Variants in PPM1L observed in about 807,000 individuals in gnomAD.
The protein encoded by PPM1L is protein phosphatase, Mg2+/Mn2+ dependent 1L.
Under a neutral mutation model 31.4 loss-of-function variants are expected in PPM1L, and 13 were observed. The observed-to-expected ratio is 0.41, with a 90% CI of 0.27 to 0.66. The LOEUF is 0.66. Ranked by LOEUF, PPM1L falls within the 30% of genes least tolerant of loss-of-function variation. The pLI is 0.29. For missense variants in PPM1L, 326 were observed against 453.7 expected (o/e 0.72, Z 2.56); for synonymous variants, 184 against 175.4 (o/e 1.05, Z -0.39).
At chr3:161,012,182 G>A (rs1043832613) in intron 2 of PPM1L, among the ~76,000 whole-genome samples, 27 of 152,184 alleles carry the variant, frequency 1.8e-4, no homozygotes, top group Non-Finnish European at 2.5e-4. Flanking sequence ...ATTATTTTGA[G>A]GTACGTCCCA....
intron 1 of PPM1L, among the ~76,000 whole-genome samples, chr3:160,926,658 T>A (rs1440810604): frequency 6.6e-6 from 1 of 152,094 alleles, no homozygotes; most frequent in Non-Finnish European, 1.5e-5. Context: ...TCTGATTAAG[T>A]AGGGGGATGT....
At chr3:161,023,706 G>T (rs914496815) in intron 2 of PPM1L, among the ~76,000 whole-genome samples, 22 of 152,160 alleles carry the variant, frequency 1.4e-4, no homozygotes, top group African/African-American at 4.8e-4. Context: ...TGGATTTAAA[G>T]TTTTTTTCTT....
intron 1 of PPM1L, among the ~76,000 whole-genome samples, chr3:160,841,853 G>A (rs763810233): frequency 6.6e-6 from 1 of 152,116 alleles, no homozygotes; most frequent in Non-Finnish European, 1.5e-5. Context: ...GAAATTTTTT[G>A]ATGACATATA....
chr3:160,877,393 C>A (rs1273659460), intron 1 of PPM1L, among the ~76,000 whole-genome samples: 1 of 152,166 alleles, frequency 6.6e-6, no homozygotes, highest in Non-Finnish European at 1.5e-5. Flanking sequence ...CTTCTTGCCT[C>A]AGTGTACACA....
intron 2 of PPM1L, among the ~76,000 whole-genome samples, chr3:161,025,821 A>G (rs1433902850): frequency 1.3e-5 from 2 of 152,204 alleles, no homozygotes; most frequent in East Asian, 3.9e-4. Flanking sequence ...AATTAAATAT[A>G]AACAAAAACT....
At chr3:160,939,863 C>T (rs144944928) in intron 1 of PPM1L, 548 of 157,358 alleles carry the variant, frequency 3.5e-3, no homozygotes, top group Non-Finnish European at 5.9e-3. Context: ...ACTTTGGAAC[C>T]GAGTAACAGG....
At chr3:160,796,352 A>G (rs1255530639) in intron 1 of PPM1L, among the ~76,000 whole-genome samples, 3 of 152,182 alleles carry the variant, frequency 2.0e-5, no homozygotes, top group African/African-American at 7.2e-5. Flanking sequence ...TCTCTGTGAC[A>G]GGTATTTCTG....
intron 1 of PPM1L, among the ~76,000 whole-genome samples, chr3:160,944,072 G>A: frequency 6.6e-6 from 1 of 151,868 alleles, no homozygotes; most frequent in Non-Finnish European, 1.5e-5. Context: ...GGACTATTTG[G>A]GTATAGGACA....
intron 1 of PPM1L, among the ~76,000 whole-genome samples, chr3:160,757,022 A>G (rs907932886): frequency 2.6e-5 from 4 of 152,066 alleles, no homozygotes; most frequent in Non-Finnish European, 5.9e-5. Context: ...ACACTGTGCT[A>G]GTTTAGCAAG....
At chr3:160,883,707 G>A (rs544924427) in intron 1 of PPM1L, among the ~76,000 whole-genome samples, 23 of 152,016 alleles carry the variant, frequency 1.5e-4, no homozygotes, top group African/African-American at 5.1e-4. Flanking sequence ...AGGGGAAAGA[G>A]ACTGGGTTTG....
chr3:160,760,939 C>G (rs1714953617), intron 1 of PPM1L, among the ~76,000 whole-genome samples: 1 of 152,106 alleles, frequency 6.6e-6, no homozygotes, highest in African/African-American at 2.4e-5. Context: ...GAGGGAGAAG[C>G]CATACTTCAA....
intron 1 of PPM1L, among the ~76,000 whole-genome samples, chr3:160,783,915 G>A (rs1711822694): frequency 6.6e-6 from 1 of 152,144 alleles, no homozygotes; most frequent in Non-Finnish European, 1.5e-5. Flanking sequence ...GGCTCTAGTA[G>A]TAAGATTTTT....
chr3:160,928,442 A>T (rs900914560), intron 1 of PPM1L, among the ~76,000 whole-genome samples: 2 of 152,218 alleles, frequency 1.3e-5, no homozygotes, highest in African/African-American at 4.8e-5. Context: ...TTTCAATGCC[A>T]TCCTGACAGG....
At chr3:160,816,633 A>G (rs1576652076) in intron 1 of PPM1L, among the ~76,000 whole-genome samples, 1 of 152,112 alleles carries the variant, frequency 6.6e-6, no homozygotes, top group East Asian at 1.9e-4. Context: ...GTGGAGGAAA[A>G]CCCAAGGCCC....
At chr3:160,843,343 C>T (rs778268027) in intron 1 of PPM1L, among the ~76,000 whole-genome samples, 5 of 145,820 alleles carry the variant, frequency 3.4e-5, no homozygotes, top group East Asian at 2.1e-4. Context: ...CAGCCCAGGA[C>T]GGCTTTGAAT....
intron 1 of PPM1L, among the ~76,000 whole-genome samples, chr3:160,853,618 T>C (rs1368028572): frequency 6.6e-6 from 1 of 152,192 alleles, no homozygotes; most frequent in Non-Finnish European, 1.5e-5. Context: ...TATGATCATT[T>C]GTTCACCTGA....
At chr3:161,055,140 GA>G (rs1719375686) in intron 2 of PPM1L, among the ~76,000 whole-genome samples, 1 of 152,118 alleles carries the variant, frequency 6.6e-6, no homozygotes, top group Admixed American at 6.6e-5. Flanking sequence ...ATAGACAAGA[GA>G]GAAAAGAAAG....
chr3:160,999,843 G>A (rs545172958), intron 2 of PPM1L, among the ~76,000 whole-genome samples: 2 of 152,332 alleles, frequency 1.3e-5, no homozygotes, highest in South Asian at 4.1e-4. Flanking sequence ...AGTGTCCTCA[G>A]AATCAAGACA....
At chr3:160,831,874 T>C (rs1169448827) in intron 1 of PPM1L, among the ~76,000 whole-genome samples, 1 of 152,218 alleles carries the variant, frequency 6.6e-6, no homozygotes, top group African/African-American at 2.4e-5. Context: ...GCTGGCTATC[T>C]CTCTTCAGTC....
Sources: allele counts gnomAD v4.1 joint callset (sites outside exome capture counted in the v4.1 genomes callset), GRCh38; gene constraint gnomAD v4.1.1; transcripts MANE v1.5; gene names NCBI Gene and HGNC (gene_info 2026-07-23, HGNC 2026-07-21).